Variants in CSPP1 observed in about 807,000 individuals in gnomAD.
The protein encoded by CSPP1 is centrosome and spindle pole-associated protein 1.
Under a neutral mutation model 164.4 loss-of-function variants are expected in CSPP1, and 126 were observed. The ratio of observed to expected loss-of-function variants is 0.77; its 90% confidence interval spans 0.66 to 0.89. The LOEUF is 0.89. CSPP1 is among the 40% of genes least tolerant of loss of function. The pLI, the probability that CSPP1 is intolerant of heterozygous loss-of-function variation, is 0.00. For synonymous variants in CSPP1, 472 were observed against 476.7 expected, an observed-to-expected ratio of 0.99 and a Z score of 0.13; for missense variants, 1,395 against 1,449.8, an observed-to-expected ratio of 0.96 and a Z score of 0.61.
At chr8:67,113,924 G>A (rs1586209977) in intron 11 of CSPP1, 62 bp downstream of exon 11, 2 of 959,192 alleles carry the variant, frequency 2.1e-6, no homozygotes, top group African/African-American at 1.6e-5. Context: ...AAATGTGGTG[G>A]CAGGTGGGGA....
At chr8:67,086,161 T>G (rs754472366) in intron 4 of CSPP1, 51 bp downstream of exon 4, 2 of 900,502 alleles carry the variant, frequency 2.2e-6, no homozygotes, top group Non-Finnish European at 3.8e-6. Context: ...ATTCAGCTCC[T>G]AAATTTGTTT....
chr8:67,131,954 T>G lies in CSPP1; in HGVS notation c.1701T>G (p.Asn567Lys). The change falls in exon 16 of 31, where the codon AAT (asparagine) becomes AAG (lysine). Residue 567 changes from asparagine to lysine, a missense_variant. By Grantham distance (94) the Asn-to-Lys change is moderately conservative (BLOSUM62 0). Coordinates refer to ENST00000678616, the MANE Select transcript of CSPP1 (RefSeq NM_001382391.1). ...VTHQLAQPVV[N>K]TVGQNELKIT... ...ATTTATTGTGTATTTGATGTAGGAATACGGTTGGACAGAATGAACTGAAGA... is the reference window on the plus strand; with the variant it reads ...ATTTATTGTGTATTTGATGTAGGAAGACGGTTGGACAGAATGAACTGAAGA... The G allele has an allele frequency of 6.3e-7, 1 of 1,599,480 alleles. No homozygotes were observed. Among genetic ancestry groups the G allele is most frequent in the South Asian group, 1.1e-5 (1 of 88,338 alleles).
At chr8:67,068,566 C>T (rs1806066150) in intron 1 of CSPP1, among the ~76,000 whole-genome samples, 1 of 152,122 alleles carries the variant, frequency 6.6e-6, no homozygotes, top group South Asian at 2.1e-4. Flanking sequence ...GTACCTATGC[C>T]ATATTTATTA....
At chr8:67,159,858 TTCTTTCTTTC>T (rs1406723030) in intron 21 of CSPP1, among the ~76,000 whole-genome samples, 8 of 24,306 alleles carry the variant, frequency 3.3e-4, no homozygotes, top group Admixed American at 1.1e-3. Context: ...TTCTTTTTCT[TTCTTTCTTTC>T]TTTCTTTCTT....
intron 9 of CSPP1, among the ~76,000 whole-genome samples, chr8:67,111,673 T>C (rs1816868661): frequency 6.6e-6 from 1 of 152,200 alleles, no homozygotes; most frequent in Non-Finnish European, 1.5e-5. Flanking sequence ...ATGGAAATAT[T>C]ATTTAGATTG....
At chr8:67,066,716 G>A (rs1039271007) in intron 1 of CSPP1, among the ~76,000 whole-genome samples, 1 of 151,998 alleles carries the variant, frequency 6.6e-6, no homozygotes. Context: ...TTGAGGACAA[G>A]AATCATGTTT....
chr8:67,071,841 C>A (rs1240237172), intron 1 of CSPP1, among the ~76,000 whole-genome samples: 1 of 152,132 alleles, frequency 6.6e-6, no homozygotes, highest in East Asian at 1.9e-4. Flanking sequence ...CTGGAATACT[C>A]TATTCATATG....
chr8:67,132,045 T>G lies in CSPP1; in HGVS notation c.1792T>G (p.Ser598Ala). Residue 598 changes from serine to alanine, a missense_variant, in exon 16 of 31, where the codon TCA becomes GCA. Physicochemically the swap from Ser to Ala is moderately conservative, Grantham distance 99. Transcript: ENST00000678616. ...AGATAAACCGAAACCTTCCAAACAGTCACTTCAGTCTTACCAAGAGGCTTT... is the reference window on the plus strand; with the variant it reads ...AGATAAACCGAAACCTTCCAAACAGGCACTTCAGTCTTACCAAGAGGCTTT... ...FEDKPKPSKQ[S>A]LQSYQEALQQ... The G allele has an allele frequency of 6.2e-7, 1 of 1,613,694 alleles. No homozygotes were observed. Among genetic ancestry groups the G allele is most frequent in the Non-Finnish European group, 8.5e-7 (1 of 1,179,814 alleles).
At chr8:67,076,777 G>A (rs1427772792) in intron 3 of CSPP1, among the ~76,000 whole-genome samples, 196 bp downstream of exon 3, 2 of 152,118 alleles carry the variant, frequency 1.3e-5, no homozygotes, top group Non-Finnish European at 2.9e-5. Flanking sequence ...ATGTGATACT[G>A]CATTGGTTAT....
intron 21 of CSPP1, among the ~76,000 whole-genome samples, chr8:67,160,049 C>CTTTTTT (rs1439123487): frequency 2.0e-5 from 1 of 50,104 alleles, no homozygotes; most frequent in Admixed American, 2.2e-4. Flanking sequence ...TTTTCTTTTT[C>CTTTTTT]TTTCTTTTTG....
In CSPP1 at chr8:67,113,821, C is replaced by T; in HGVS notation, c.1204C>T (p.Leu402Phe). ...RNKRREKDLE[L>F]RVAASGAQDP... ...TTTGTTTAGAGAAAAAGATTTAGAA[C>T]TCAGGGTTGCAGCGTCTGGAGCACA... The change falls in exon 11 of 31, where the codon CTC becomes TTC. Residue 402 changes from leucine (L) to phenylalanine (F), a missense_variant. Physicochemically the swap from Leu to Phe is conservative, Grantham distance 22. Transcript: ENST00000678616. 1.3e-6 allele frequency: 2 copies of T among 1,577,574 alleles called. No individual in the cohort carries two copies. Among genetic ancestry groups the T allele is most frequent in the East Asian group, 4.5e-5 (2 of 44,188 alleles).
intron 1 of CSPP1, among the ~76,000 whole-genome samples, chr8:67,070,872 G>C (rs1585803300): frequency 6.6e-6 from 1 of 151,580 alleles, no homozygotes; most frequent in South Asian, 2.1e-4. Context: ...TCCTGCCTCA[G>C]CTTCCCCAAT....
chr8:67,105,998 G>A (rs770853869), intron 9 of CSPP1, 23 bp downstream of exon 9: 4 of 1,281,260 alleles, frequency 3.1e-6, no homozygotes, highest in Non-Finnish European at 4.6e-6. Context: ...CTTCCAACTA[G>A]TTGCGCTTGT....
rs563804640 is a variant in CSPP1, at chr8:67,196,120, G to A, written c.*527G>A. ...GAAATGAAGGGAACTGTAATTACTT[G>A]TATTTTTGTAAGCCATACGTTAAAT... On this transcript the variant is annotated 3_prime_UTR_variant, in exon 31 of 31. Transcript: ENST00000678616. 2.0e-5 allele frequency: 3 copies of A among 152,678 alleles called. No individual in the cohort carries two copies. The highest frequency in any genetic ancestry group is 3.9e-4 in the East Asian group (2 of 5,190). The allele number at this position is 152,678 out of a possible 1,614,324, so 9.5% of individuals were successfully genotyped here.
intron 17 of CSPP1, among the ~76,000 whole-genome samples, chr8:67,148,405 T>A (rs905708382): frequency 2.0e-5 from 3 of 152,250 alleles, no homozygotes; most frequent in Admixed American, 2.0e-4. Flanking sequence ...GCTGGACTAC[T>A]TTAATGTTGC....
At chr8:67,089,428 A>G (rs999740941) in intron 4 of CSPP1, among the ~76,000 whole-genome samples, 1 of 152,192 alleles carries the variant, frequency 6.6e-6, no homozygotes, top group African/African-American at 2.4e-5. Flanking sequence ...TTTGAAATCT[A>G]CCTGATATCT....
intron 28 of CSPP1, among the ~76,000 whole-genome samples, chr8:67,181,584 G>A (rs905040270): frequency 1.3e-5 from 2 of 152,080 alleles, no homozygotes; most frequent in African/African-American, 4.8e-5. Context: ...TGCTGCATAA[G>A]TAAGTCATGG....
intron 18 of CSPP1, among the ~76,000 whole-genome samples, chr8:67,153,720 C>A (rs1012598507): frequency 1.3e-5 from 2 of 151,792 alleles, no homozygotes; most frequent in African/African-American, 4.8e-5. Context: ...TTTATAAATT[C>A]TATTTTAAAG....
intron 17 of CSPP1, among the ~76,000 whole-genome samples, chr8:67,143,866 T>C (rs1184566363): frequency 6.6e-6 from 1 of 152,212 alleles, no homozygotes; most frequent in Non-Finnish European, 1.5e-5. Flanking sequence ...TGATTTTTAA[T>C]GTAGGCAATC....
Sources: allele counts gnomAD v4.1 joint callset (sites outside exome capture counted in the v4.1 genomes callset), GRCh38; gene constraint gnomAD v4.1.1; transcripts MANE v1.5; gene names NCBI Gene and HGNC (gene_info 2026-07-23, HGNC 2026-07-21).